The following DCLK2 variants were observed in gnomAD, a reference collection of about 807,000 sequenced individuals.
DCLK2 encodes the protein serine/threonine-protein kinase DCLK2.
Under a neutral mutation model 78.4 loss-of-function variants are expected in DCLK2, and 31 were observed. The observed-to-expected ratio is 0.40, with a 90% confidence interval of 0.30 to 0.53. The LOEUF (loss-of-function observed/expected upper bound fraction) is 0.53, where lower values mean the gene tolerates loss of function less well. Among genes scored for constraint, DCLK2 ranks in the 20% least tolerant of loss-of-function variants. The pLI is 0.61. For missense variants in DCLK2, 872 were observed against 973.7 expected (o/e 0.90, Z 1.39); for synonymous variants, 407 against 374.9 (o/e 1.09, Z -0.99).
intron 2 of DCLK2, among the ~76,000 whole-genome samples, chr4:150,139,995 G>A (rs932621109): frequency 1.5e-4 from 23 of 152,158 alleles, no homozygotes; most frequent in African/African-American, 5.3e-4. Context: ...CTTAGTTAGA[G>A]CTTAGCCTCA....
intron 2 of DCLK2, among the ~76,000 whole-genome samples, chr4:150,180,039 G>A (rs1737390856): frequency 6.6e-6 from 1 of 152,024 alleles, no homozygotes; most frequent in South Asian, 2.1e-4. Flanking sequence ...TGATTATTTG[G>A]GTTTTAGACA....
At chr4:150,200,659 A>T (rs1034070565) in intron 4 of DCLK2, among the ~76,000 whole-genome samples, 1 of 152,178 alleles carries the variant, frequency 6.6e-6, no homozygotes, top group Non-Finnish European at 1.5e-5. Flanking sequence ...ACTCAAACTG[A>T]GCTGGTAACT....
intron 2 of DCLK2, among the ~76,000 whole-genome samples, chr4:150,152,799 A>G (rs1734990834): frequency 6.6e-6 from 1 of 152,258 alleles, no homozygotes; most frequent in South Asian, 2.1e-4. Context: ...TTATTTAAAA[A>G]GAAAAAATAC....
intron 2 of DCLK2, among the ~76,000 whole-genome samples, chr4:150,122,471 GA>G (rs1315589146): frequency 6.6e-6 from 1 of 152,140 alleles, no homozygotes; most frequent in Non-Finnish European, 1.5e-5. Flanking sequence ...GATGAAGCTG[GA>G]AACCATCATT....
At chr4:150,106,850 G>C (rs1731292869) in intron 2 of DCLK2, among the ~76,000 whole-genome samples, 1 of 152,096 alleles carries the variant, frequency 6.6e-6, no homozygotes, top group Non-Finnish European at 1.5e-5. Flanking sequence ...CCATTTACAA[G>C]GTCTGACTTC....
intron 2 of DCLK2, among the ~76,000 whole-genome samples, chr4:150,138,226 T>G (rs767492050): frequency 2.6e-5 from 4 of 152,238 alleles, no homozygotes; most frequent in Admixed American, 6.5e-5. Context: ...GCAACCCAAC[T>G]ACCTGGGTGT....
At chr4:150,135,734 C>T (rs1223663917) in intron 2 of DCLK2, among the ~76,000 whole-genome samples, 1 of 152,184 alleles carries the variant, frequency 6.6e-6, no homozygotes, top group Non-Finnish European at 1.5e-5. Flanking sequence ...TCTTTCAAAG[C>T]TTGAATTCCA....
chr4:150,089,390 T>G (rs1045402140), intron 1 of DCLK2, among the ~76,000 whole-genome samples: 5 of 152,230 alleles, frequency 3.3e-5, no homozygotes, highest in African/African-American at 1.2e-4. Flanking sequence ...GAGGAAACTT[T>G]TGAGGAAAGT....
rs1337141810 is a variant in DCLK2, at chr4:150,175,109, T to TATATA, written c.757-18027_757-18026insATAAT. Among the ~76,000 whole-genome samples the TATATA allele has an allele frequency of 2.2e-3, 192 of 88,918 alleles. 42 individuals carry two copies. The highest frequency in any genetic ancestry group is 4.2e-3 in the Middle Eastern group (1 of 236). 58.3% of individuals were successfully genotyped at this position (88,918 alleles called of 152,430 possible). A position where few individuals can be genotyped will look rare whatever the true frequency, so the allele number is the denominator to read the frequency against. On this transcript the variant is annotated intron_variant, in intron 2 of 15. Transcript: ENST00000296550. The stretch of plus-strand genomic sequence containing the variant: ...ATATATATATTTATATATATTTATA[T>TATATA]ATTTATATTTTTTATATATATATAA...
At chr4:150,253,646 GGC>G in intron 15 of DCLK2, 1 of 1,270,198 alleles carries the variant, frequency 7.9e-7, no homozygotes, top group Middle Eastern at 2.6e-4. Flanking sequence ...GCCGCCGTCC[GGC>G]TCTCAGCTGC....
chr4:150,190,238 GATA>G (rs1560850764), intron 2 of DCLK2, among the ~76,000 whole-genome samples: 1 of 24,764 alleles, frequency 4.0e-5, no homozygotes, highest in East Asian at 2.4e-3. Context: ...TGGATAGTTA[GATA>G]GATAGATAGA....
intron 10 of DCLK2, among the ~76,000 whole-genome samples, chr4:150,235,034 C>T (rs930050245): frequency 6.6e-6 from 1 of 152,174 alleles, no homozygotes; most frequent in African/African-American, 2.4e-5. Flanking sequence ...GCTTCCTGCT[C>T]TCCACAACCT....
intron 2 of DCLK2, among the ~76,000 whole-genome samples, chr4:150,121,936 A>G (rs1032875294): frequency 7.9e-5 from 12 of 152,210 alleles, no homozygotes; most frequent in African/African-American, 2.4e-4. Context: ...TTTTTTTTCC[A>G]GTAGGTCTCA....
At chr4:150,083,919 A>G (rs988142439) in intron 1 of DCLK2, among the ~76,000 whole-genome samples, 4 of 152,240 alleles carry the variant, frequency 2.6e-5, no homozygotes, top group African/African-American at 4.8e-5. Context: ...TCAAATGCCT[A>G]TGGTCTCTTC....
At chr4:150,230,003 TTTG>T (rs1468296516) in intron 8 of DCLK2, among the ~76,000 whole-genome samples, 4 of 152,212 alleles carry the variant, frequency 2.6e-5, no homozygotes, top group Non-Finnish European at 5.9e-5. Flanking sequence ...AGTACTTTAT[TTTG>T]CTTCTGATGA....
rs946047033 is a variant in DCLK2, at chr4:150,256,328, A to C, written c.*81A>C. The C allele has an allele frequency of 8.4e-6, 12 of 1,436,772 alleles. No homozygotes were observed. The African/African-American group carries it at 1.7e-4, about 21-fold the overall frequency. The allele number at this position is 1,436,772 out of a possible 1,614,324, so 89.0% of individuals were successfully genotyped here. On this transcript the variant is annotated 3_prime_UTR_variant, in exon 16 of 16. Coordinates refer to ENST00000296550, the MANE Select transcript of DCLK2 (RefSeq NM_001040260.4). ...TCGGCCTCGCCGGCCTCCCTGCTGC[A>C]GGCCTCCCTCTCTTCACCGCCTGCG...
At chr4:150,104,413 A>G (rs1445153794) in intron 2 of DCLK2, among the ~76,000 whole-genome samples, 2 of 149,836 alleles carry the variant, frequency 1.3e-5, no homozygotes, top group Non-Finnish European at 3.0e-5. Context: ...AAAAAAAAAA[A>G]AAAAAAAAAA....
chr4:150,233,260 C>T (rs575388473), intron 10 of DCLK2, among the ~76,000 whole-genome samples: 254 of 152,284 alleles, frequency 1.7e-3, no homozygotes, highest in Non-Finnish European at 2.5e-3. Flanking sequence ...TATGAGAACT[C>T]ACTACCACAG....
intron 1 of DCLK2, among the ~76,000 whole-genome samples, chr4:150,092,409 T>G (rs1730147683): frequency 1.3e-5 from 2 of 152,198 alleles, no homozygotes; most frequent in African/African-American, 4.8e-5. Context: ...AGCCATAACC[T>G]TTTACATTCC....
Sources: gnomAD v4.1 joint callset for allele counts (sites outside exome capture counted in the v4.1 genomes callset) on GRCh38, gnomAD v4.1.1 for gene constraint, MANE v1.5 for transcripts, NCBI Gene and HGNC (gene_info 2026-07-23, HGNC 2026-07-21) for gene names.